Variants in PALLD observed in about 807,000 individuals in gnomAD.
PALLD encodes palladin.
In PALLD, 61 loss-of-function variants were observed where a neutral mutation model predicts 123.5. That is an observed-to-expected ratio of 0.49 (90% confidence interval 0.40 to 0.61). The LOEUF (loss-of-function observed/expected upper bound fraction) is 0.61, where lower values mean the gene tolerates loss of function less well. PALLD is among the 20% of genes least tolerant of loss of function. The pLI, the probability that PALLD is intolerant of heterozygous loss-of-function variation, is 0.00. For missense variants in PALLD, 1,273 were observed against 1,377.0 expected, an observed-to-expected ratio of 0.92 and a Z score of 1.20; for synonymous variants, 465 against 496.4, an observed-to-expected ratio of 0.94 and a Z score of 0.84.
intron 10 of PALLD, among the ~76,000 whole-genome samples, chr4:168,767,608 C>T (rs75023616): frequency 0.021 from 3,101 of 149,208 alleles, 104 homozygotes; most frequent in African/African-American, 0.073. Context: ...CCTGCAGTGG[C>T]GCGATCTCAG....
chr4:168,911,615 A>G (rs1277788320), intron 15 of PALLD, among the ~76,000 whole-genome samples: 2 of 152,210 alleles, frequency 1.3e-5, no homozygotes, highest in African/African-American at 2.4e-5. Flanking sequence ...AGCAAGTTAC[A>G]TCTAGATTTT....
At chr4:168,679,250 G>GT (rs1210985247) in intron 3 of PALLD, among the ~76,000 whole-genome samples, 3 of 105,896 alleles carry the variant, frequency 2.8e-5, no homozygotes, top group Non-Finnish European at 3.9e-5. Context: ...GGGTGTGTGT[G>GT]TGGTGTGTGG....
At chr4:168,577,873 G>A (rs114828610) in intron 2 of PALLD, among the ~76,000 whole-genome samples, 4,179 of 151,128 alleles carry the variant, frequency 0.028, 95 homozygotes, top group Non-Finnish European at 0.044. Flanking sequence ...AGCAGAAGAG[G>A]AAAAGAAAAC....
chr4:168,891,675 A>G (rs1053389027), intron 11 of PALLD, among the ~76,000 whole-genome samples: 4 of 110,704 alleles, frequency 3.6e-5, no homozygotes, highest in Non-Finnish European at 8.4e-5. Context: ...AGCAATGCCA[A>G]TGGTATTAAA....
At position 168,820,125 on chromosome 4, in the gene PALLD, T is replaced by C. The variant is rs76714844; in HGVS notation, c.1965-70797T>C. ...ATTTATAGTCTTGTCTTAGGCAAGG[T>C]GATTCTGCTTCATCTAGTTACTTAT... is the stretch of plus-strand genomic sequence containing the variant. On this transcript the variant is annotated intron_variant, in intron 10 of 21. Transcript: ENST00000505667. Among the ~76,000 whole-genome samples the C allele has an allele frequency of 0.011, 1,752 of 152,378 alleles. 72 individuals carry two copies. In the East Asian group the frequency reaches 0.17, roughly 15 times the overall value.
intron 2 of PALLD, among the ~76,000 whole-genome samples, chr4:168,550,836 T>C (rs1357536805): frequency 6.6e-6 from 1 of 152,234 alleles, no homozygotes; most frequent in Non-Finnish European, 1.5e-5. Flanking sequence ...CCCCAATCCA[T>C]GTTCTTTCAT....
intron 14 of PALLD, among the ~76,000 whole-genome samples, chr4:168,902,939 T>C (rs1756864318): frequency 6.6e-6 from 1 of 151,924 alleles, no homozygotes; most frequent in Admixed American, 6.6e-5. Context: ...ACCCAGATAA[T>C]TTTTTTATTT....
intron 8 of PALLD, among the ~76,000 whole-genome samples, chr4:168,695,964 C>T (rs1783090780): frequency 6.6e-6 from 1 of 151,930 alleles, no homozygotes; most frequent in East Asian, 1.9e-4. Context: ...TTTTGAATTC[C>T]CTGGGCCACA....
intron 2 of PALLD, among the ~76,000 whole-genome samples, chr4:168,599,989 G>GTGTAT (rs1315483524): frequency 6.7e-6 from 1 of 149,494 alleles, no homozygotes; most frequent in African/African-American, 2.4e-5. Context: ...ATACATACAT[G>GTGTAT]TGTATACACA....
intron 10 of PALLD, among the ~76,000 whole-genome samples, chr4:168,763,463 G>C (rs1314481277): frequency 6.6e-6 from 1 of 152,222 alleles, no homozygotes; most frequent in African/African-American, 2.4e-5. Flanking sequence ...CTCACATGGA[G>C]TAAGAGGTTG....
chr4:168,716,657 A>G (rs1043182079), intron 10 of PALLD, among the ~76,000 whole-genome samples: 1 of 152,212 alleles, frequency 6.6e-6, no homozygotes, highest in Non-Finnish European at 1.5e-5. Flanking sequence ...AATCATTCAT[A>G]TTGAGCTGTT....
At chr4:168,926,014 A>T (rs932863799) in intron 21 of PALLD, among the ~76,000 whole-genome samples, 199 bp from the exon 22 acceptor site, 8 of 152,040 alleles carry the variant, frequency 5.3e-5, no homozygotes, top group Non-Finnish European at 1.0e-4. Context: ...TAGCTGCTTT[A>T]TTCCCACTAT....
chr4:168,709,981 G>GA (rs371270460), intron 9 of PALLD, among the ~76,000 whole-genome samples: 118 of 152,238 alleles, frequency 7.8e-4, no homozygotes, highest in African/African-American at 2.7e-3. Context: ...GCCAACACAT[G>GA]AGATCTGGAG....
At chr4:168,813,052 T>G (rs1200016858) in intron 10 of PALLD, among the ~76,000 whole-genome samples, 8 of 151,948 alleles carry the variant, frequency 5.3e-5, no homozygotes, top group Admixed American at 3.3e-4. Context: ...GGGCTCAGTG[T>G]CCCTGTGGTT....
At chr4:168,734,541 G>C (rs1406703725) in intron 10 of PALLD, among the ~76,000 whole-genome samples, 1 of 152,086 alleles carries the variant, frequency 6.6e-6, no homozygotes, top group Non-Finnish European at 1.5e-5. Context: ...TCTGCTTTGA[G>C]CTTCTTTCAG....
intron 17 of PALLD, 41 bp downstream of exon 17, chr4:168,916,068 T>G (rs763223193): frequency 2.5e-6 from 4 of 1,580,676 alleles, no homozygotes; most frequent in Non-Finnish European, 3.5e-6. Flanking sequence ...TTGCCCCACT[T>G]CTCCCTCACT....
At position 168,773,089 on chromosome 4, in the gene PALLD, AG is replaced by A. The variant is rs556444536; in HGVS notation, c.1964+61168del. 2.7e-3 allele frequency among the ~76,000 whole-genome samples: 412 copies of A among 152,340 alleles called. 3 individuals carry two copies. Among genetic ancestry groups the A allele is most frequent in the African/African-American group, 9.2e-3 (381 of 41,574 alleles). Reference sequence around the variant, plus strand: ...TGACATTCTCTCAAGAGTTTAGAGTAGGAGAGGATTTTAGAACATGATAGTA... The same window carrying A: ...TGACATTCTCTCAAGAGTTTAGAGTAGAGAGGATTTTAGAACATGATAGTA... On this transcript the variant is annotated intron_variant, in intron 10 of 21. Transcript: ENST00000505667.
At chr4:168,884,596 T>C (rs1753084698) in intron 10 of PALLD, among the ~76,000 whole-genome samples, 1 of 152,214 alleles carries the variant, frequency 6.6e-6, no homozygotes, top group African/African-American at 2.4e-5. Context: ...TTTTCTCTTA[T>C]CTCTTTCTGC....
intron 10 of PALLD, among the ~76,000 whole-genome samples, chr4:168,875,608 G>C (rs1260716431): frequency 6.6e-6 from 1 of 152,064 alleles, no homozygotes; most frequent in Non-Finnish European, 1.5e-5. Flanking sequence ...CTTCACTACA[G>C]TATATACTAG....
Sources: allele counts gnomAD v4.1 joint callset (sites outside exome capture counted in the v4.1 genomes callset), GRCh38; gene constraint gnomAD v4.1.1; transcripts MANE v1.5; gene names NCBI Gene and HGNC (gene_info 2026-07-23, HGNC 2026-07-21).